The following TSC22D3 variants were observed in gnomAD, a reference collection of about 807,000 sequenced individuals.
TSC22D3 encodes TSC22 domain family member 3, also known as TSC22 domain family protein 3.
Under a neutral mutation model 11.1 loss-of-function variants are expected in TSC22D3, and 4 were observed. That is an observed-to-expected ratio of 0.36 (90% confidence interval 0.18 to 0.83). The LOEUF (loss-of-function observed/expected upper bound fraction) is 0.83, where lower values mean the gene tolerates loss of function less well. Among genes scored for constraint, TSC22D3 ranks in the 40% least tolerant of loss-of-function variants. The probability of loss-of-function intolerance (pLI) is 0.48; values close to 1 mark genes in which losing one functional copy is unlikely to be tolerated. For missense variants in TSC22D3, 118 were observed against 159.4 expected, an observed-to-expected ratio of 0.74 and a Z score of 1.40; for synonymous variants, 77 against 70.3, an observed-to-expected ratio of 1.10 and a Z score of -0.48.
chrX:107,749,548 C>T (rs1928842368), intron 1 of TSC22D3, among the ~76,000 whole-genome samples: 2 of 110,857 alleles, frequency 1.8e-5, no homozygotes, highest in Admixed American at 1.9e-4. Flanking sequence ...ACTTTGGCCT[C>T]CCAAAGCACT....
intron 1 of TSC22D3, among the ~76,000 whole-genome samples, chrX:107,749,290 G>C (rs1432273274): frequency 3.6e-5 from 4 of 110,509 alleles, no homozygotes; most frequent in Admixed American, 9.6e-5. Context: ...GCAGGAGATT[G>C]ATTGAACCTG....
chrX:107,750,616 G>A (rs927603874), intron 1 of TSC22D3, among the ~76,000 whole-genome samples: 1 of 111,269 alleles, frequency 9.0e-6, no homozygotes, highest in Non-Finnish European at 1.9e-5. Flanking sequence ...AGAGGGGGCG[G>A]CTGAGAACAG....
At chrX:107,716,360 C>T in intron 1 of TSC22D3, 1 of 921,243 alleles carries the variant, frequency 1.1e-6, no homozygotes, top group Non-Finnish European at 1.3e-6. Flanking sequence ...TGGTAAGCTT[C>T]CGGCCTTCTC....
chrX:107,742,281 A>G (rs7057574), intron 1 of TSC22D3, among the ~76,000 whole-genome samples: 876 of 56,683 alleles, frequency 0.015, 29 homozygotes, highest in East Asian at 0.045. Flanking sequence ...GAGAGAGAGA[A>G]AGAGAGAGAG....
intron 1 of TSC22D3, chrX:107,717,004 C>G: frequency 9.7e-7 from 1 of 1,033,738 alleles, no homozygotes; most frequent in South Asian, 2.7e-5. Flanking sequence ...AGGGAAGTGA[C>G]TCGAGGGGTG....
At chrX:107,717,142 C>T in intron 1 of TSC22D3, 1 of 800,085 alleles carries the variant, frequency 1.2e-6, no homozygotes. Context: ...CAAATGAGTC[C>T]TGTACCGGGC....
At chrX:107,716,184 C>T in intron 1 of TSC22D3, 1 of 716,166 alleles carries the variant, frequency 1.4e-6, no homozygotes, top group Middle Eastern at 5.1e-4. Context: ...CGAGTTCCAA[C>T]CGATCGGAGC....
chrX:107,772,128 G>A (rs1929931969), intron 1 of TSC22D3, among the ~76,000 whole-genome samples: 1 of 111,717 alleles, frequency 9.0e-6, no homozygotes, highest in Non-Finnish European at 1.9e-5. Flanking sequence ...ACGAAGCTGG[G>A]AGCCAGGGAC....
intron 1 of TSC22D3, among the ~76,000 whole-genome samples, chrX:107,771,465 G>T (rs1170972961): frequency 9.0e-6 from 1 of 111,700 alleles, no homozygotes; most frequent in Non-Finnish European, 1.9e-5. Context: ...TGCGCCTGTA[G>T]TCCCAGCTAC....
At chrX:107,734,279 A>G (rs1189004905) in intron 1 of TSC22D3, among the ~76,000 whole-genome samples, 1 of 112,405 alleles carries the variant, frequency 8.9e-6, no homozygotes, top group Non-Finnish European at 1.9e-5. Flanking sequence ...CTGCTCCTAT[A>G]CACAGTGATG....
At chrX:107,766,787 G>C (rs1420267851) in intron 1 of TSC22D3, among the ~76,000 whole-genome samples, 1 of 110,679 alleles carries the variant, frequency 9.0e-6, no homozygotes, top group South Asian at 3.8e-4. Flanking sequence ...CTTTTCCTTG[G>C]GAAGTATGAT....
chrX:107,755,852 T>C (rs144367835), intron 1 of TSC22D3, among the ~76,000 whole-genome samples: 1,506 of 111,982 alleles, frequency 0.013, 33 homozygotes, highest in African/African-American at 0.046. Context: ...AAGAAATCAA[T>C]GGAGGCTGGT....
At chrX:107,764,291 G>A (rs1428659825) in intron 1 of TSC22D3, among the ~76,000 whole-genome samples, 1 of 112,259 alleles carries the variant, frequency 8.9e-6, no homozygotes, top group Non-Finnish European at 1.9e-5. Flanking sequence ...TCTGGCACAT[G>A]AAAGTGTGCA....
intron 1 of TSC22D3, among the ~76,000 whole-genome samples, chrX:107,717,603 C>T (rs1055310462): frequency 1.4e-4 from 16 of 112,918 alleles, no homozygotes; most frequent in Admixed American, 1.0e-3. Flanking sequence ...CATCCACTTG[C>T]CCCTTCCTCT....
chrX:107,757,819 C>CT (rs1236865722), intron 1 of TSC22D3, among the ~76,000 whole-genome samples: 1 of 111,172 alleles, frequency 9.0e-6, no homozygotes, highest in East Asian at 2.8e-4. Context: ...CTTTAGGAAT[C>CT]TATAATTGAT....
intron 1 of TSC22D3, among the ~76,000 whole-genome samples, chrX:107,723,788 G>A (rs1464997030): frequency 8.9e-6 from 1 of 112,647 alleles, no homozygotes; most frequent in Admixed American, 9.3e-5. Context: ...AGCATGTGAA[G>A]GACTTGGGGG....
At chrX:107,771,000 G>A (rs1273422918) in intron 1 of TSC22D3, among the ~76,000 whole-genome samples, 1 of 112,371 alleles carries the variant, frequency 8.9e-6, no homozygotes, top group Admixed American at 9.4e-5. Context: ...GACTGTTCCA[G>A]TTTGAGCACA....
At chrX:107,749,508 C>T (rs60118806) in intron 1 of TSC22D3, among the ~76,000 whole-genome samples, 2,671 of 110,704 alleles carry the variant, frequency 0.024, 91 homozygotes, top group African/African-American at 0.083. Flanking sequence ...TCAAACTGAT[C>T]TTGAACTTCT....
At chrX:107,757,644 C>A (rs902647074) in intron 1 of TSC22D3, among the ~76,000 whole-genome samples, 6 of 109,932 alleles carry the variant, frequency 5.5e-5, no homozygotes, top group African/African-American at 2.0e-4. Context: ...CACACTCTCC[C>A]CCTCCCCTTC....
Sources: allele counts gnomAD v4.1 joint callset (sites outside exome capture counted in the v4.1 genomes callset), GRCh38; gene constraint gnomAD v4.1.1; transcripts MANE v1.5; gene names NCBI Gene and HGNC (gene_info 2026-07-23, HGNC 2026-07-21).